Variants in NRBP2 observed in about 807,000 individuals in gnomAD.
The protein encoded by NRBP2 is nuclear receptor binding protein 2.
NRBP2 carries 47 observed loss-of-function variants against 74.4 expected under a neutral mutation model. The ratio of observed to expected loss-of-function variants is 0.63; its 90% CI spans 0.50 to 0.81. The LOEUF (loss-of-function observed/expected upper bound fraction) is 0.81, where lower values mean the gene tolerates loss of function less well. NRBP2 is among the 30% of genes least tolerant of loss of function. The probability of loss-of-function intolerance (pLI) is 0.00; values close to 1 mark genes in which losing one functional copy is unlikely to be tolerated. For synonymous variants in NRBP2, 312 were observed against 273.8 expected, an observed-to-expected ratio of 1.14 and a Z score of -1.38; for missense variants, 613 against 690.1, an observed-to-expected ratio of 0.89 and a Z score of 1.25.
chr8:143,836,268 C>T, intron 14 of NRBP2, 88 bp from the exon 15 acceptor site: 1 of 1,428,282 alleles, frequency 7.0e-7, no homozygotes, highest in South Asian at 1.5e-5. Context: ...ACAGCAAAGA[C>T]TGGAAAGGGG....
Position 143,840,546 on chromosome 8 carries a change from G to T in NRBP2, c.129+160C>A. On this transcript the variant is annotated intron_variant, in intron 1 of 17. Coordinates refer to ENST00000442628, the MANE Select transcript of NRBP2 (RefSeq NM_178564.4). This position sits in a 1 kb window ranked among gnomAD's most constrained non-coding sequence, Gnocchi z 5.7. Reference sequence around the variant, plus strand: ...CAGGGAGTCCCAGGGCGAGCGCCAGGCCAAAGGGGTCCAGGGGTGGCTGAT... The same window carrying T: ...CAGGGAGTCCCAGGGCGAGCGCCAGTCCAAAGGGGTCCAGGGGTGGCTGAT... 1 of 772,108 alleles carries T rather than the reference G, an allele frequency of 1.3e-6. No individual in the cohort carries two copies. The allele number at this position is 772,108 out of a possible 1,614,324, so 47.8% of individuals were successfully genotyped here. A position where few individuals can be genotyped will look rare whatever the true frequency, so the allele number is the denominator to read the frequency against.
chr8:143,839,473 C>T lies in NRBP2; in HGVS notation c.485+36G>A. On this transcript the variant is annotated intron_variant, in intron 5 of 17. Transcript: ENST00000442628. The surrounding 1 kb of genome is among the most constrained non-coding windows in gnomAD (Gnocchi z 5.1). ...AGGAGGCTCTGGAGAGATGGGGGCT[C>T]GGTGGCGCCGCGCCCAGGCCAGCCC... The T allele has an allele frequency of 2.6e-6, 4 of 1,531,546 alleles. No homozygotes were observed. The highest frequency in any genetic ancestry group is 3.5e-6 in the Non-Finnish European group (4 of 1,144,304). The allele number at this position is 1,531,546 out of a possible 1,614,324, so 94.9% of individuals were successfully genotyped here.
At position 143,835,631 on chromosome 8, in the gene NRBP2, C is replaced by A. The variant is rs375568892; in HGVS notation, c.*31G>T. 4.1e-5 allele frequency: 63 copies of A among 1,537,068 alleles called. No homozygotes were observed. Among genetic ancestry groups the A allele is most frequent in the African/African-American group, 5.5e-5 (4 of 72,150 alleles). ...AACATGGCCTGCCCAGGCAGCACCC[C>A]GGCATGGTCCCCTGGGGCTGGGGCT... is the stretch of plus-strand genomic sequence containing the variant. On this transcript the variant is annotated 3_prime_UTR_variant, in exon 18 of 18. Coordinates refer to ENST00000442628, the MANE Select transcript of NRBP2 (RefSeq NM_178564.4). The surrounding 1 kb of genome is among the most constrained non-coding windows in gnomAD (Gnocchi z 4.9).
chr8:143,835,616 G>A lies in NRBP2; in HGVS notation c.*46C>T, dbSNP rs781899861. 2.5e-5 allele frequency: 37 copies of A among 1,491,932 alleles called. No individual in the cohort carries two copies. Among genetic ancestry groups the A allele is most frequent in the Non-Finnish European group, 2.9e-5 (32 of 1,108,208 alleles). 92.4% of individuals were successfully genotyped at this position (1,491,932 alleles called of 1,614,324 possible). A position where few individuals can be genotyped will look rare whatever the true frequency, so the allele number is the denominator to read the frequency against. On this transcript the variant is annotated 3_prime_UTR_variant, in exon 18 of 18. Coordinates refer to ENST00000442628, the MANE Select transcript of NRBP2 (RefSeq NM_178564.4). This position sits in a 1 kb window ranked among gnomAD's most constrained non-coding sequence, Gnocchi z 4.9. ...TGCTGGAGTCTCCCCAACATGGCCT[G>A]CCCAGGCAGCACCCCGGCATGGTCC...
In NRBP2 at chr8:143,840,757, GCT is replaced by G. The variant is rs1427054505; in HGVS notation, c.76_77del (p.Ser26ArgfsTer88). Reference sequence around the variant, plus strand: ...CACACGGGCTTTCCTCCAGGATGTCGCTCTCGTCCTCGCTCTCGTCCTCCCGC... The same window carrying G: ...CACACGGGCTTTCCTCCAGGATGTCGCTCGTCCTCGCTCTCGTCCTCCCGC... Reference protein sequence around the residue: ...REREDESEDESDILEESPCGR... With the variant: ...REREDESEDEXDILEESPCGR... On this transcript the variant is annotated frameshift_variant, in exon 1 of 18. Coordinates refer to ENST00000442628, the MANE Select transcript of NRBP2 (RefSeq NM_178564.4). LOFTEE classifies it high-confidence loss of function. The surrounding 1 kb of genome is among the most constrained non-coding windows in gnomAD (Gnocchi z 5.7). 1 of 1,513,974 alleles carries G rather than the reference GCT, an allele frequency of 6.6e-7. No homozygotes were observed. Among genetic ancestry groups the G allele is most frequent in the Non-Finnish European group, 8.8e-7 (1 of 1,137,224 alleles). The allele number at this position is 1,513,974 out of a possible 1,614,324, so 93.8% of individuals were successfully genotyped here.
At position 143,834,496 on chromosome 8, in the gene NRBP2, CAT is replaced by C. The variant is rs1818276133; in HGVS notation, c.*1164_*1165del. On this transcript the variant is annotated 3_prime_UTR_variant, in exon 18 of 18. Transcript: ENST00000442628. ...GCCTTGATTCTAGTCCAGTGAGACC[CAT>C]AGTCAGACTTCCAGCCTACAGAATT... The C allele has an allele frequency of 6.6e-6, 1 of 152,188 alleles. No homozygotes were observed. The highest frequency in any genetic ancestry group is 1.5e-5 in the Non-Finnish European group (1 of 68,028). The allele number at this position is 152,188 out of a possible 1,614,324, so 9.4% of individuals were successfully genotyped here.
rs1243377948 is a variant in NRBP2, at chr8:143,837,420, G to A, written c.1063C>T (p.Pro355Ser). 6.2e-7 allele frequency: 1 copy of A among 1,602,686 alleles called. No homozygotes were observed. Among genetic ancestry groups the A allele is most frequent in the African/African-American group, 1.3e-5 (1 of 74,818 alleles). ...CTGACTGCTCACCGCCACTGCAGCG[G>A]GGGCCTGCGGGGCCGGGGAAGCTCC... is the stretch of plus-strand genomic sequence containing the variant. Reference protein sequence around the residue: ...LAELPRPRRPPLQWRYSEVSF... With the variant: ...LAELPRPRRPSLQWRYSEVSF... Residue 355 changes from proline to serine, a missense_variant, in exon 12 of 18, where the codon CCG becomes TCG. Pro to Ser is a moderately conservative substitution (Grantham distance 74). This residue lies in a region of NRBP2 where 281 missense variants were observed against 260.9 expected (regional missense o/e 1.08). Coordinates refer to ENST00000442628, the MANE Select transcript of NRBP2 (RefSeq NM_178564.4). The surrounding 1 kb of genome is among the most constrained non-coding windows in gnomAD (Gnocchi z 4.3).
rs1554652734 is a variant in NRBP2 at position 143,839,042 on chromosome 8, C to T, written c.663G>A (p.Leu221=). The part of the protein sequence containing the change: ...IRAEREELRN[L]HFFPPEYGEV... ...CTCCATACTCTGGGGGGAAGAAGTG[C>T]AGGTTCCGAAGTTCCTCTCGCTCAG... Residue 221 remains leucine, a synonymous_variant, in exon 8 of 18, where the codon CTG becomes CTA. Transcript: ENST00000442628. The surrounding 1 kb of genome is among the most constrained non-coding windows in gnomAD (Gnocchi z 5.1). The T allele has an allele frequency of 3.9e-6, 6 of 1,540,858 alleles. No individual in the cohort carries two copies. Among genetic ancestry groups the T allele is most frequent in the African/African-American group, 1.4e-5 (1 of 73,022 alleles).
chr8:143,838,569 T>A (rs1294660190), intron 10 of NRBP2, 111 bp downstream of exon 10: 2 of 768,742 alleles, frequency 2.6e-6, no homozygotes, highest in Non-Finnish European at 4.3e-6. Flanking sequence ...TCAGCTGGTA[T>A]ACCCCTCAAC....
chr8:143,836,205 CACAA>C, intron 14 of NRBP2, 25 bp from the exon 15 acceptor site: 1 of 1,519,704 alleles, frequency 6.6e-7, no homozygotes, highest in Non-Finnish European at 8.8e-7. Context: ...GGCTGGGACT[CACAA>C]ACCCAGCAGC....
chr8:143,834,430 G>T lies in NRBP2; in HGVS notation c.*1232C>A, dbSNP rs1410165499. 2.6e-5 allele frequency: 4 copies of T among 152,228 alleles called. No homozygotes were observed. Among genetic ancestry groups the T allele is most frequent in the African/African-American group, 9.6e-5 (4 of 41,452 alleles). The allele number at this position is 152,228 out of a possible 1,614,324, so 9.4% of individuals were successfully genotyped here. A position where few individuals can be genotyped will look rare whatever the true frequency, so the allele number is the denominator to read the frequency against. On this transcript the variant is annotated 3_prime_UTR_variant, in exon 18 of 18. Transcript: ENST00000442628. ...CAGCAGCCTGAAGGAGCAGGAGACA[G>T]AGTCTCCCCTAGAACCTCCAGGAAG... is the stretch of plus-strand genomic sequence containing the variant.
In NRBP2 at chr8:143,838,704, G is replaced by A; in HGVS notation, c.816C>T (p.His272=). The part of the protein sequence containing the change: ...VTEEAIARAR[H]SLSDPNMREF... ...CCCGCATGTTGGGGTCACTCAGCGA[G>A]TGCCTGGCGCGAGCAATGGCCTCCT... The change falls in exon 10 of 18, where the codon CAC becomes CAT. Residue 272 remains histidine (H), a synonymous_variant. Coordinates refer to ENST00000442628, the MANE Select transcript of NRBP2 (RefSeq NM_178564.4). 1 of 1,611,876 alleles carries A rather than the reference G, an allele frequency of 6.2e-7. No individual in the cohort carries two copies. Among genetic ancestry groups the A allele is most frequent in the Non-Finnish European group, 8.5e-7 (1 of 1,179,006 alleles).
rs782791461 is a variant in NRBP2, at chr8:143,839,332, G to A, written c.562C>T (p.Leu188Phe). 1.3e-6 allele frequency: 2 copies of A among 1,583,574 alleles called. No individual in the cohort carries two copies. The highest frequency in any genetic ancestry group is 1.7e-4 in the Middle Eastern group (1 of 5,748). ...SDTIFIQHNG[L>F]IKIGSVWHRI... ...CCAGCACCGGAGCCGATCTTGATGAGGCCGTTGTGCTGAATGAAGATGGTG... is the reference window on the plus strand; with the variant it reads ...CCAGCACCGGAGCCGATCTTGATGAAGCCGTTGTGCTGAATGAAGATGGTG... The change falls in exon 6 of 18, where the codon CTC becomes TTC. Residue 188 changes from leucine (L) to phenylalanine (F), a missense_variant. By Grantham distance (22) the Leu-to-Phe change is conservative. Around this residue, in one of 2 missense-constraint regions of NRBP2, gnomAD observed 332 missense variants for 429.2 expected, o/e 0.77. Transcript: ENST00000442628. This position sits in a 1 kb window ranked among gnomAD's most constrained non-coding sequence, Gnocchi z 5.1.
chr8:143,830,354 C>T (rs1219289178), downstream of NRBP2, among the ~76,000 whole-genome samples: 2 of 152,230 alleles, frequency 1.3e-5, no homozygotes, highest in African/African-American at 4.8e-5. Context: ...AAACCCCAGA[C>T]CTCTGTCCCT....
At position 143,839,706 on chromosome 8, in the gene NRBP2, C is replaced by T; in HGVS notation, c.444+30G>A. The stretch of plus-strand genomic sequence containing the variant: ...GAGGCTGCCCCAACCCCGTCCTGTC[C>T]CCGTGGCTGCCCCAGCCCGCTCCCC... On this transcript the variant is annotated intron_variant, in intron 4 of 17. Coordinates refer to ENST00000442628, the MANE Select transcript of NRBP2 (RefSeq NM_178564.4). This position sits in a 1 kb window ranked among gnomAD's most constrained non-coding sequence, Gnocchi z 5.1. 5.9e-6 allele frequency: 9 copies of T among 1,533,840 alleles called. No homozygotes were observed. The highest frequency in any genetic ancestry group is 7.9e-6 in the Non-Finnish European group (9 of 1,146,252).
chr8:143,837,222 G>A lies in NRBP2; in HGVS notation c.1127+27C>T, dbSNP rs60756717. ...GGGGGTTCAGGCCTGACAGCTGCCTGGCCCCCAACCTTACATCAGTTCTCA... is the reference window on the plus strand; with the variant it reads ...GGGGGTTCAGGCCTGACAGCTGCCTAGCCCCCAACCTTACATCAGTTCTCA... On this transcript the variant is annotated intron_variant, in intron 13 of 17. Coordinates refer to ENST00000442628, the MANE Select transcript of NRBP2 (RefSeq NM_178564.4). This position sits in a 1 kb window ranked among gnomAD's most constrained non-coding sequence, Gnocchi z 4.3. 2.6e-3 allele frequency: 4,262 copies of A among 1,613,894 alleles called. 100 individuals are homozygous for A. In the African/African-American group the frequency reaches 0.049, roughly 18 times the overall value.
chr8:143,836,167 T>C lies in NRBP2; in HGVS notation c.1277A>G (p.Gln426Arg). ...DSETRKVIQMQCNLERSEDKA... is the reference protein window; with the variant it reads ...DSETRKVIQMRCNLERSEDKA... ...GTCCTCGCTTCTCTCCAGGTTGCAC[T>C]GCATCTGGATGACCTGCAGCGGGGG... Residue 426 changes from glutamine (Q) to arginine (R), a missense_variant, in exon 15 of 18, where the codon CAG becomes CGG. Coordinates refer to ENST00000442628, the MANE Select transcript of NRBP2 (RefSeq NM_178564.4). 6.4e-7 allele frequency: 1 copy of C among 1,572,212 alleles called. No homozygotes were observed. Among genetic ancestry groups the C allele is most frequent in the Non-Finnish European group, 8.6e-7 (1 of 1,164,882 alleles).
In NRBP2 at chr8:143,834,503, A is replaced by T. The variant is rs1442618231; in HGVS notation, c.*1159T>A. On this transcript the variant is annotated 3_prime_UTR_variant, in exon 18 of 18. Transcript: ENST00000442628. ...TTCTAGTCCAGTGAGACCCATAGTC[A>T]GACTTCCAGCCTACAGAATTGCAAT... 1.3e-5 allele frequency: 2 copies of T among 152,256 alleles called. No individual in the cohort carries two copies. The highest frequency in any genetic ancestry group is 2.9e-5 in the Non-Finnish European group (2 of 68,040). 9.4% of individuals were successfully genotyped at this position (152,256 alleles called of 1,614,324 possible).
At chr8:143,838,091 G>A (rs1183643342) in intron 10 of NRBP2, 8 of 549,376 alleles carry the variant, frequency 1.5e-5, no homozygotes, top group South Asian at 8.4e-5. Flanking sequence ...CACTGGAGAC[G>A]ACCTTGATGG....
Sources: gnomAD v4.1 joint callset for allele counts (sites outside exome capture counted in the v4.1 genomes callset) on GRCh38, gnomAD v4.1.1 for gene constraint, gnomAD v4.1.1 regional missense constraint, Gnocchi (gnomAD v3.1) non-coding constraint, MANE v1.5 for transcripts, NCBI Gene and HGNC (gene_info 2026-07-23, HGNC 2026-07-21) for gene names.